Variants in GRID2 observed in about 807,000 individuals in gnomAD.
GRID2 encodes the protein glutamate ionotropic receptor delta type subunit 2, also known as glutamate receptor ionotropic, delta-2.
GRID2 carries 33 observed loss-of-function variants against 114.8 expected under a neutral mutation model. The ratio of observed to expected loss-of-function variants is 0.29; its 90% CI spans 0.22 to 0.38. The LOEUF (loss-of-function observed/expected upper bound fraction) is 0.38, where lower values mean the gene tolerates loss of function less well. GRID2 is among the 10% of genes least tolerant of loss of function. GRID2 has a pLI of 1.00. For missense variants in GRID2, 1,184 were observed against 1,257.7 expected, an observed-to-expected ratio of 0.94 and a Z score of 0.89; for synonymous variants, 505 against 449.9, an observed-to-expected ratio of 1.12 and a Z score of -1.55.
chr4:92,473,577 A>G (rs544618658), intron 1 of GRID2, among the ~76,000 whole-genome samples: 3 of 152,026 alleles, frequency 2.0e-5, no homozygotes, highest in Non-Finnish European at 4.4e-5. Context: ...TTTTCAGGTT[A>G]AGTAATTTTT....
intron 13 of GRID2, among the ~76,000 whole-genome samples, chr4:93,548,865 T>A (rs1367488465): frequency 6.6e-6 from 1 of 152,246 alleles, no homozygotes; most frequent in East Asian, 1.9e-4. Flanking sequence ...CTTAATAACC[T>A]TTGCCATGAT....
chr4:93,594,824 C>T (rs919604194), intron 13 of GRID2, among the ~76,000 whole-genome samples: 10 of 152,132 alleles, frequency 6.6e-5, no homozygotes, highest in African/African-American at 2.2e-4. Flanking sequence ...TTCCAGGTGC[C>T]GTCCATCACC....
chr4:93,587,937 G>T (rs751834494), intron 13 of GRID2, among the ~76,000 whole-genome samples: 7 of 152,044 alleles, frequency 4.6e-5, no homozygotes, highest in Non-Finnish European at 8.8e-5. Context: ...CATTCTTTCT[G>T]CAAAATTAGA....
intron 2 of GRID2, among the ~76,000 whole-genome samples, chr4:92,865,824 A>C (rs933970005): frequency 1.3e-5 from 2 of 152,268 alleles, no homozygotes; most frequent in Non-Finnish European, 2.9e-5. Context: ...AAGAAACGGC[A>C]AAGCAAAAAT....
chr4:92,746,803 C>G (rs528276209), intron 2 of GRID2, among the ~76,000 whole-genome samples: 40 of 152,068 alleles, frequency 2.6e-4, no homozygotes, highest in African/African-American at 9.1e-4. Flanking sequence ...TTAAGATATA[C>G]TTTTCTTGAA....
intron 2 of GRID2, among the ~76,000 whole-genome samples, chr4:92,865,410 A>T (rs983261811): frequency 6.6e-6 from 1 of 152,240 alleles, no homozygotes; most frequent in Non-Finnish European, 1.5e-5. Flanking sequence ...AGTTGGACAA[A>T]AGGAAATATT....
chr4:93,340,667 A>G (rs766818940), intron 8 of GRID2, among the ~76,000 whole-genome samples: 5 of 152,114 alleles, frequency 3.3e-5, no homozygotes, highest in Non-Finnish European at 7.3e-5. Context: ...TGATATTTCT[A>G]TGGGTTTACT....
intron 10 of GRID2, among the ~76,000 whole-genome samples, chr4:93,428,833 T>G (rs1769123479): frequency 6.6e-6 from 1 of 152,168 alleles, no homozygotes; most frequent in South Asian, 2.1e-4. Context: ...CGACGCCCAC[T>G]CAGGAAAATG....
rs188549906 is a variant in GRID2 at position 93,462,734 on chromosome 4, A to G, written c.1858+6760A>G. On this transcript the variant is annotated intron_variant, in intron 11 of 15. Transcript: ENST00000282020. ...AAAAAGACATCAATTTTAATAGTGT[A>G]GATATCAAATATATGAAACTTACCA... Among the ~76,000 whole-genome samples, 38 of 152,316 alleles carry G rather than the reference A, an allele frequency of 2.5e-4. 1 individual carries two copies. Among genetic ancestry groups the G allele is most frequent in the Non-Finnish European group, 3.1e-4 (21 of 68,010 alleles).
chr4:93,252,971 C>T (rs1435403539), intron 8 of GRID2, among the ~76,000 whole-genome samples: 6 of 151,860 alleles, frequency 4.0e-5, no homozygotes, highest in Non-Finnish European at 5.9e-5. Context: ...AAACTCAGGC[C>T]GGACGAAGTG....
At chr4:92,666,189 C>A (rs955230223) in intron 2 of GRID2, among the ~76,000 whole-genome samples, 9 of 151,486 alleles carry the variant, frequency 5.9e-5, no homozygotes, top group Non-Finnish European at 3.0e-5. Flanking sequence ...TCAAAACTAC[C>A]TTTCAAACAG....
intron 1 of GRID2, among the ~76,000 whole-genome samples, chr4:92,317,739 C>A (rs781282603): frequency 3.3e-5 from 5 of 152,084 alleles, no homozygotes; most frequent in Non-Finnish European, 7.4e-5. Context: ...AGAACTTGCT[C>A]TTGGCTGCTG....
At chr4:92,653,657 T>C (rs1018041383) in intron 2 of GRID2, among the ~76,000 whole-genome samples, 1 of 152,076 alleles carries the variant, frequency 6.6e-6, no homozygotes, top group Non-Finnish European at 1.5e-5. Flanking sequence ...TGAGGACCTA[T>C]TGTATGCTGT....
chr4:92,315,993 C>CAAAAAAAAA (rs778361565), intron 1 of GRID2, among the ~76,000 whole-genome samples: 202 of 61,874 alleles, frequency 3.3e-3, no homozygotes, highest in East Asian at 0.011. Context: ...AAACAAAAAG[C>CAAAAAAAAA]AAAAAAAAAA....
At chr4:93,436,868 C>T (rs1000078954) in intron 10 of GRID2, among the ~76,000 whole-genome samples, 10 of 151,810 alleles carry the variant, frequency 6.6e-5, no homozygotes, top group Non-Finnish European at 1.5e-4. Context: ...AGTATAAATC[C>T]GAAAGCAAAT....
intron 2 of GRID2, among the ~76,000 whole-genome samples, chr4:92,777,106 C>A (rs185598866): frequency 6.6e-6 from 1 of 151,180 alleles, no homozygotes; most frequent in African/African-American, 2.4e-5. Context: ...ATTCTTCATC[C>A]GAGATACTAG....
intron 1 of GRID2, among the ~76,000 whole-genome samples, chr4:92,305,703 G>T (rs1486451743): frequency 6.6e-6 from 1 of 152,184 alleles, no homozygotes; most frequent in African/African-American, 2.4e-5. Flanking sequence ...GCAGGGGCGG[G>T]CGGGGGGCTG....
At chr4:93,370,465 A>G (rs1342905298) in intron 8 of GRID2, among the ~76,000 whole-genome samples, 1 of 149,176 alleles carries the variant, frequency 6.7e-6, no homozygotes, top group African/African-American at 2.5e-5. Context: ...ACACACAAAC[A>G]CGCACACAGA....
intron 14 of GRID2, among the ~76,000 whole-genome samples, chr4:93,662,310 C>T (rs1723572225): frequency 6.6e-6 from 1 of 152,144 alleles, no homozygotes; most frequent in Non-Finnish European, 1.5e-5. Flanking sequence ...TATGGCACCA[C>T]CACCACCTGG....
Sources: allele counts gnomAD v4.1 joint callset (sites outside exome capture counted in the v4.1 genomes callset), GRCh38; gene constraint gnomAD v4.1.1; transcripts MANE v1.5; gene names NCBI Gene and HGNC (gene_info 2026-07-23, HGNC 2026-07-21).